LRP6: variants seen among roughly 807,000 people sequenced by gnomAD.
LRP6 encodes the protein low-density lipoprotein receptor-related protein 6.
In LRP6, 43 loss-of-function variants were observed where a neutral mutation model predicts 184.1. That is an observed-to-expected ratio of 0.23 (90% CI 0.18 to 0.30). The LOEUF is 0.30. LRP6 is among the 10% of genes least tolerant of loss of function. The pLI is 1.00. For missense variants in LRP6, 1,571 were observed against 2,005.3 expected (o/e 0.78, Z 4.14); for synonymous variants, 719 against 684.9 (o/e 1.05, Z -0.78).
chr12:12,181,084 G>A lies in LRP6; in HGVS notation c.1332C>T (p.Asp444=). The A allele has an allele frequency of 6.2e-7, 1 of 1,614,074 alleles. No individual in the cohort carries two copies. The highest frequency in any genetic ancestry group is 2.2e-5 in the East Asian group (1 of 44,882). ...ACACAATAGCCCGGGGTTCCTCTAA[G>A]TCCTCTGAAATCAAGATCTTCCTCA... ...GTMRKILISE[D]LEEPRAIVLD... Residue 444 remains aspartate, a synonymous_variant, in exon 6 of 23, where the codon GAC becomes GAT. Coordinates refer to ENST00000261349, the MANE Select transcript of LRP6 (RefSeq NM_002336.3).
In LRP6 at chr12:12,186,995, G is replaced by A. The variant is rs1261760985; in HGVS notation, c.772C>T (p.Leu258=). 6.2e-7 allele frequency: 1 copy of A among 1,613,988 alleles called. No individual in the cohort carries two copies. The highest frequency in any genetic ancestry group is 8.5e-7 in the Non-Finnish European group (1 of 1,180,010). ...AAGATGTCAGAATGGATTTCACGCAGACCCTCACCAGTATACTTGTTGCAA... is the reference window on the plus strand; with the variant it reads ...AAGATGTCAGAATGGATTTCACGCAAACCCTCACCAGTATACTTGTTGCAA... ...LACNKYTGEG[L]REIHSDIFSP... The change falls in exon 4 of 23, where the codon CTG becomes TTG. Residue 258 remains leucine (L), a synonymous_variant. Transcript: ENST00000261349.
At chr12:12,195,233 A>T (rs1471769792) in intron 3 of LRP6, among the ~76,000 whole-genome samples, 1 of 152,148 alleles carries the variant, frequency 6.6e-6, no homozygotes, top group Admixed American at 6.5e-5. Context: ...GGACTACTGG[A>T]TCATATGGTA....
chr12:12,155,377 T>C, intron 12 of LRP6: 1 of 777,908 alleles, frequency 1.3e-6, no homozygotes, highest in East Asian at 2.4e-5. Flanking sequence ...AAAGGTGATA[T>C]TGTAGACATC....
chr12:12,165,014 GCTGA>G, intron 8 of LRP6, 61 bp downstream of exon 8: 2 of 1,215,884 alleles, frequency 1.6e-6, no homozygotes, highest in Non-Finnish European at 1.2e-6. Context: ...AATTTACACT[GCTGA>G]CTATCTCCAT....
rs370529299 is a variant in LRP6 at position 12,164,315 on chromosome 12, A to T, written c.2010T>A (p.Asp670Glu). 30 of 1,614,172 alleles carry T rather than the reference A, an allele frequency of 1.9e-5. No homozygotes were observed. In the African/African-American group the frequency reaches 3.7e-4, roughly 20 times the overall value. Reference sequence around the variant, plus strand: ...TCCAATAAATTCGGTTGTCTGTCACATCAAAATCCAAAGCAGAAGCTTCTT... The same window carrying T: ...TCCAATAAATTCGGTTGTCTGTCACTTCAAAATCCAAAGCAGAAGCTTCTT... ...GVKEASALDF[D>E]VTDNRIYWTD... The change falls in exon 9 of 23, where the codon GAT (aspartate) becomes GAA (glutamate). Residue 670 changes from aspartate (D) to glutamate (E), a missense_variant. Physicochemically the swap from Asp to Glu is conservative, Grantham distance 45. Transcript: ENST00000261349.
chr12:12,187,339 G>C, intron 3 of LRP6: 1 of 553,466 alleles, frequency 1.8e-6, no homozygotes. Context: ...TTTGGGAATA[G>C]TCCCTAACTT....
intron 2 of LRP6, among the ~76,000 whole-genome samples, chr12:12,216,082 A>G (rs144169673): frequency 2.0e-5 from 3 of 152,238 alleles, no homozygotes; most frequent in African/African-American, 4.8e-5. Flanking sequence ...CATCTTTTTC[A>G]AAATCTTCAA....
Position 12,199,182 on chromosome 12 carries a change from G to A in LRP6, c.647+4021C>T, listed in dbSNP as rs1863849157. ...ATGAGTGTGTTCAGTTATATACACT[G>A]AATTGAACCTTTGGCACTAGGAATC... is the stretch of plus-strand genomic sequence containing the variant. On this transcript the variant is annotated intron_variant, in intron 3 of 22. Transcript: ENST00000261349. Among the ~76,000 whole-genome samples the A allele has an allele frequency of 2.6e-5, 4 of 151,802 alleles. No individual in the cohort carries two copies. In the South Asian group the frequency reaches 8.3e-4, roughly 32 times the overall value.
At chr12:12,185,242 G>A (rs1400342312) in intron 4 of LRP6, among the ~76,000 whole-genome samples, 1 of 151,988 alleles carries the variant, frequency 6.6e-6, no homozygotes, top group African/African-American at 2.4e-5. Flanking sequence ...GAGGCTGCAG[G>A]GAGCCGTGAT....
chr12:12,153,826 G>A (rs1950114040), intron 12 of LRP6, among the ~76,000 whole-genome samples: 1 of 152,094 alleles, frequency 6.6e-6, no homozygotes, highest in African/African-American at 2.4e-5. Flanking sequence ...GATGTACGTA[G>A]GAGGGAGCTT....
At chr12:12,250,218 C>T (rs955086897) in intron 1 of LRP6, among the ~76,000 whole-genome samples, 5 of 152,208 alleles carry the variant, frequency 3.3e-5, no homozygotes, top group African/African-American at 1.2e-4. Flanking sequence ...CCTCAGCCTT[C>T]CACCATGACT....
At chr12:12,187,676 CATGCAGGT>C (rs1351443212) in intron 3 of LRP6, among the ~76,000 whole-genome samples, 2 of 152,160 alleles carry the variant, frequency 1.3e-5, no homozygotes, top group Non-Finnish European at 1.5e-5. Flanking sequence ...GCCAAAATGG[CATGCAGGT>C]AGCACTCTCC....
intron 12 of LRP6, 43 bp from the exon 13 acceptor site, chr12:12,151,081 A>T (rs1367157416): frequency 3.5e-6 from 5 of 1,447,598 alleles, no homozygotes; most frequent in Non-Finnish European, 4.8e-6. Flanking sequence ...TAGTTACCCT[A>T]CATCCTCTAT....
intron 2 of LRP6, among the ~76,000 whole-genome samples, chr12:12,205,271 G>A (rs974267373): frequency 7.7e-6 from 1 of 130,270 alleles, no homozygotes; most frequent in Non-Finnish European, 1.6e-5. Context: ...AGTGAGCTGA[G>A]ATTGTGTGCC....
At chr12:12,251,212 G>A (rs911232993) in intron 1 of LRP6, among the ~76,000 whole-genome samples, 9 of 152,094 alleles carry the variant, frequency 5.9e-5, no homozygotes, top group African/African-American at 2.2e-4. Flanking sequence ...GATTACAGGC[G>A]TGAGCCACCG....
At chr12:12,193,344 G>C (rs963204274) in intron 3 of LRP6, among the ~76,000 whole-genome samples, 8 of 150,382 alleles carry the variant, frequency 5.3e-5, no homozygotes, top group Non-Finnish European at 1.2e-4. Flanking sequence ...CAAAGCAAGT[G>C]TAAGGAAGAA....
intron 2 of LRP6, among the ~76,000 whole-genome samples, chr12:12,214,678 A>G (rs141417377): frequency 3.9e-5 from 6 of 152,362 alleles, no homozygotes; most frequent in African/African-American, 1.4e-4. Flanking sequence ...TATTTCTGTA[A>G]GCAAGCATAG....
chr12:12,169,874 G>T (rs969276362), intron 7 of LRP6, among the ~76,000 whole-genome samples: 3 of 152,118 alleles, frequency 2.0e-5, no homozygotes, highest in Non-Finnish European at 2.9e-5. Context: ...ACCACGTTTT[G>T]TAAGCACACT....
intron 7 of LRP6, among the ~76,000 whole-genome samples, chr12:12,171,339 A>AC (rs1321663326): frequency 6.6e-6 from 1 of 152,036 alleles, no homozygotes. Context: ...ACATGGTGAA[A>AC]CTCCATCTCT....
Sources: gnomAD v4.1 joint callset for allele counts (sites outside exome capture counted in the v4.1 genomes callset) on GRCh38, gnomAD v4.1.1 for gene constraint, MANE v1.5 for transcripts, NCBI Gene and HGNC (gene_info 2026-07-23, HGNC 2026-07-21) for gene names.